KAZN: variants seen among roughly 807,000 people sequenced by gnomAD.
KAZN encodes the protein kazrin.
A neutral mutation model predicts 87.4 loss-of-function variants in KAZN; 40 were observed. The ratio of observed to expected loss-of-function variants is 0.46; its 90% CI spans 0.36 to 0.60. The LOEUF is 0.60. Among genes scored for constraint, KAZN ranks in the 20% least tolerant of loss-of-function variants. The probability of loss-of-function intolerance (pLI) is 0.00; values close to 1 mark genes in which losing one functional copy is unlikely to be tolerated. For missense variants in KAZN, 898 were observed against 1,073.9 expected (o/e 0.84, Z 2.29); for synonymous variants, 466 against 458.3 (o/e 1.02, Z -0.22).
chr1:14,264,562 C>G (rs1400627029), intron 2 of KAZN, among the ~76,000 whole-genome samples: 2 of 152,142 alleles, frequency 1.3e-5, no homozygotes, highest in African/African-American at 4.8e-5. Context: ...CTCTCTCTCT[C>G]CCACCCTCAC....
intron 1 of KAZN, among the ~76,000 whole-genome samples, chr1:14,128,719 G>T (rs970837589): frequency 6.6e-6 from 1 of 152,036 alleles, no homozygotes; most frequent in African/African-American, 2.4e-5. Context: ...GAATTTGGGG[G>T]GTGAGGAGGG....
chr1:14,708,113 A>T (rs781777802), intron 1 of KAZN, among the ~76,000 whole-genome samples: 8 of 152,088 alleles, frequency 5.3e-5, no homozygotes, highest in Non-Finnish European at 8.8e-5. Flanking sequence ...CTCTTCCCAG[A>T]GGTGGATACT....
intron 1 of KAZN, among the ~76,000 whole-genome samples, chr1:14,645,902 T>A (rs1385625490): frequency 6.6e-6 from 1 of 152,224 alleles, no homozygotes; most frequent in Non-Finnish European, 1.5e-5. Flanking sequence ...ATGGCTCTTA[T>A]TATTTTGAGG....
At chr1:14,722,895 G>A (rs554402940) in intron 1 of KAZN, among the ~76,000 whole-genome samples, 2 of 152,248 alleles carry the variant, frequency 1.3e-5, no homozygotes, top group Admixed American at 1.3e-4. Flanking sequence ...GGAGACTGAG[G>A]TGGGAGGGTC....
At chr1:14,914,169 G>A (rs1408735652) in intron 1 of KAZN, among the ~76,000 whole-genome samples, 1 of 152,172 alleles carries the variant, frequency 6.6e-6, no homozygotes, top group African/African-American at 2.4e-5. Context: ...GTCTGGGGTG[G>A]GGCCAAGAAT....
At chr1:14,120,968 C>A (rs971400070) in intron 1 of KAZN, among the ~76,000 whole-genome samples, 1 of 152,162 alleles carries the variant, frequency 6.6e-6, no homozygotes, top group African/African-American at 2.4e-5. Context: ...GAGCTCTGTG[C>A]TCTTCTACTA....
At chr1:14,045,326 G>T (rs1642019314) in intron 1 of KAZN, among the ~76,000 whole-genome samples, 3 of 152,186 alleles carry the variant, frequency 2.0e-5, no homozygotes, top group South Asian at 4.1e-4. Context: ...GCAAAAAGAG[G>T]CAACTCACCA....
intron 1 of KAZN, among the ~76,000 whole-genome samples, chr1:14,172,464 G>A (rs1645974561): frequency 6.6e-6 from 1 of 152,160 alleles, no homozygotes; most frequent in Admixed American, 6.5e-5. Context: ...GCTTAAATCA[G>A]GGGATACAAT....
intron 1 of KAZN, among the ~76,000 whole-genome samples, chr1:14,738,476 A>G (rs1643981610): frequency 6.6e-6 from 1 of 152,098 alleles, no homozygotes. Context: ...GGTAATTGAA[A>G]TGGAATTGTC....
At chr1:14,664,916 A>G (rs1163229728) in intron 1 of KAZN, among the ~76,000 whole-genome samples, 1 of 152,010 alleles carries the variant, frequency 6.6e-6, no homozygotes, top group Admixed American at 6.6e-5. Context: ...CAGCCTCCCA[A>G]AGTGCTGGGA....
intron 1 of KAZN, among the ~76,000 whole-genome samples, chr1:14,752,141 G>A (rs1053252115): frequency 6.6e-6 from 1 of 152,118 alleles, no homozygotes; most frequent in African/African-American, 2.4e-5. Context: ...GCTTTTGTGG[G>A]AACTAACAGA....
intron 1 of KAZN, among the ~76,000 whole-genome samples, chr1:14,800,673 C>T (rs1279525389): frequency 6.6e-6 from 1 of 152,158 alleles, no homozygotes; most frequent in Non-Finnish European, 1.5e-5. Context: ...CACCACACTC[C>T]AGCCTGCACA....
At chr1:14,158,019 C>T (rs1017687062) in intron 1 of KAZN, among the ~76,000 whole-genome samples, 8 of 152,128 alleles carry the variant, frequency 5.3e-5, no homozygotes, top group African/African-American at 1.2e-4. Flanking sequence ...CCTTGACACA[C>T]GGGGATTACA....
chr1:14,348,484 T>C (rs772285551), intron 2 of KAZN, among the ~76,000 whole-genome samples: 2 of 152,222 alleles, frequency 1.3e-5, no homozygotes, highest in South Asian at 2.1e-4. Context: ...CCTGGAGGAT[T>C]TTCCATGTGG....
intron 2 of KAZN, among the ~76,000 whole-genome samples, chr1:14,350,427 T>G (rs149680711): frequency 6.6e-6 from 1 of 152,238 alleles, no homozygotes; most frequent in African/African-American, 2.4e-5. Context: ...ATTATGGCTG[T>G]CACCATCACT....
At chr1:14,854,286 G>T (rs1649813632) in intron 1 of KAZN, among the ~76,000 whole-genome samples, 1 of 152,242 alleles carries the variant, frequency 6.6e-6, no homozygotes, top group Non-Finnish European at 1.5e-5. Context: ...CAGACTCTGA[G>T]TGCCTCGTGT....
intron 2 of KAZN, among the ~76,000 whole-genome samples, chr1:15,030,552 C>T (rs1185232377): frequency 2.6e-5 from 4 of 152,216 alleles, no homozygotes; most frequent in South Asian, 2.1e-4. Flanking sequence ...TGAGCCACCG[C>T]GCCTGGTCAT....
At chr1:14,211,035 G>A (rs1238102496) in intron 2 of KAZN, among the ~76,000 whole-genome samples, 1 of 152,028 alleles carries the variant, frequency 6.6e-6, no homozygotes, top group Non-Finnish European at 1.5e-5. Context: ...CCTCTTAGAT[G>A]GAAGATTTGG....
intron 1 of KAZN, among the ~76,000 whole-genome samples, chr1:14,724,455 A>G (rs993781943): frequency 6.6e-6 from 1 of 152,208 alleles, no homozygotes; most frequent in Non-Finnish European, 1.5e-5. Context: ...TTCCATGAAT[A>G]CAAACAATAA....
Sources: gnomAD v4.1 joint callset for allele counts (sites outside exome capture counted in the v4.1 genomes callset) on GRCh38, gnomAD v4.1.1 for gene constraint, MANE v1.5 for transcripts, NCBI Gene and HGNC (gene_info 2026-07-23, HGNC 2026-07-21) for gene names.